DHX30: variants seen among roughly 807,000 people sequenced by gnomAD.
DHX30 encodes the protein DExH-box helicase 30, also known as ATP-dependent RNA helicase DHX30.
A neutral mutation model predicts 116.9 loss-of-function variants in DHX30; 4 were observed. That is an observed-to-expected ratio of 0.03 (90% CI 0.02 to 0.08). The LOEUF (loss-of-function observed/expected upper bound fraction) is 0.08, where lower values mean the gene tolerates loss of function less well. DHX30 is among the 10% of genes least tolerant of loss of function. The pLI, the probability that DHX30 is intolerant of heterozygous loss-of-function variation, is 1.00. For missense variants in DHX30, 871 were observed against 1,595.1 expected, an observed-to-expected ratio of 0.55 and a Z score of 7.73; for synonymous variants, 697 against 651.7, an observed-to-expected ratio of 1.07 and a Z score of -1.06.
intron 6 of DHX30, among the ~76,000 whole-genome samples, chr3:47,839,347 T>C (rs372642786): frequency 6.0e-4 from 88 of 145,642 alleles, no homozygotes; most frequent in African/African-American, 2.2e-3. Context: ...CAGGCTGGAG[T>C]GCAATGGTGC....
At position 47,850,089 on chromosome 3, in the gene DHX30, G is replaced by A. The variant is rs2038077482; in HGVS notation, c.3554G>A (p.Ser1185Asn). Residue 1185 changes from serine (S) to asparagine (N), a missense_variant, in exon 22 of 22, where the codon AGC becomes AAC. Ser to Asn is a conservative substitution (Grantham distance 46, BLOSUM62 1). Coordinates refer to ENST00000445061, the MANE Select transcript of DHX30 (RefSeq NM_138615.3). ...LAELLRGPCGSFDVRKTADD is the reference protein window; with the variant it reads ...LAELLRGPCGNFDVRKTADD ...GAGCTGCTGCGAGGACCCTGTGGCA[G>A]CTTTGATGTGCGCAAGACAGCTGAC... is the stretch of plus-strand genomic sequence containing the variant. 3 of 1,595,624 alleles carry A rather than the reference G, an allele frequency of 1.9e-6. No individual in the cohort carries two copies. Among genetic ancestry groups the A allele is most frequent in the South Asian group, 1.1e-5 (1 of 89,118 alleles).
rs973971521 is a variant in DHX30, at chr3:47,814,645, C to T, written c.29-3377C>T. Among the ~76,000 whole-genome samples, 3 of 151,502 alleles carry T rather than the reference C, an allele frequency of 2.0e-5. 1 individual carries two copies. The highest frequency in any genetic ancestry group is 4.2e-4 in the South Asian group (2 of 4,806). On this transcript the variant is annotated intron_variant, in intron 3 of 21. Coordinates refer to ENST00000445061, the MANE Select transcript of DHX30 (RefSeq NM_138615.3). ...ATGCCATTTTTCTGCCTCAGCCTCC[C>T]GAGTAGCTGGGACTACAGGCGCCAG...
At chr3:47,830,127 G>A (rs1348681309) in intron 6 of DHX30, among the ~76,000 whole-genome samples, 2 of 150,054 alleles carry the variant, frequency 1.3e-5, no homozygotes, top group African/African-American at 4.9e-5. Flanking sequence ...ACCATGCCTG[G>A]CCAACTTTTT....
At chr3:47,815,920 A>C (rs2036031949) in intron 3 of DHX30, 7 of 983,980 alleles carry the variant, frequency 7.1e-6, no homozygotes, top group Non-Finnish European at 8.4e-6. Context: ...GATAATAACT[A>C]ATCATTGAAT....
chr3:47,841,732 G>T lies in DHX30; in HGVS notation c.784G>T (p.Ala262Ser). 6.2e-7 allele frequency: 1 copy of T among 1,614,216 alleles called. No homozygotes were observed. Among genetic ancestry groups the T allele is most frequent in the Non-Finnish European group, 8.5e-7 (1 of 1,180,020 alleles). ...VIQIATSSST[A>S]KNLMQFHTVG... ...TCAGATTGCAACGTCATCCTCCACAGCTAAGGTGAGTTGGGTCTCCTAGAA... is the reference window on the plus strand; with the variant it reads ...TCAGATTGCAACGTCATCCTCCACATCTAAGGTGAGTTGGGTCTCCTAGAA... Residue 262 changes from alanine to serine, a missense_variant, in exon 8 of 22, where the codon GCT (alanine) becomes TCT (serine). By Grantham distance (99) the Ala-to-Ser change is moderately conservative. Coordinates refer to ENST00000445061, the MANE Select transcript of DHX30 (RefSeq NM_138615.3).
In DHX30 at chr3:47,841,668, C is replaced by T. The variant is rs769372215; in HGVS notation, c.720C>T (p.Thr240=). The T allele has an allele frequency of 1.9e-6, 3 of 1,614,128 alleles. No individual in the cohort carries two copies. Among genetic ancestry groups the T allele is most frequent in the African/African-American group, 2.7e-5 (2 of 74,930 alleles). The change falls in exon 8 of 22, where the codon ACC becomes ACT. Residue 240 remains threonine (T), a synonymous_variant. Transcript: ENST00000445061. ...TDDDSAIRAL[T]QFPLPKNLLA... is the part of the protein sequence containing the mutation. ...ACGACAGTGCCATTAGGGCTCTGAC[C>T]CAGTTTCCACTTCCCAAGAACCTTC...
rs1328743827 is a variant in DHX30, at chr3:47,827,354, G to T, written c.132G>T (p.Arg44Ser). ...TTGTTCTTATTTTCTTAGCTTCTAGGGACCTATTAAAAGAGTTCCCACAGC... is the reference window on the plus strand; with the variant it reads ...TTGTTCTTATTTTCTTAGCTTCTAGTGACCTATTAAAAGAGTTCCCACAGC... Reference protein sequence around the residue: ...TPGGTISRASRDLLKEFPQPK... With the variant: ...TPGGTISRASSDLLKEFPQPK... Residue 44 changes from arginine (R) to serine (S), a missense_variant, in exon 5 of 22, where the codon AGG becomes AGT. Arg to Ser is a moderately radical substitution (Grantham distance 110, BLOSUM62 -1). Around this residue, in one of 13 missense-constraint regions of DHX30, gnomAD observed 66 missense variants for 153.9 expected, o/e 0.43. Transcript: ENST00000445061. The T allele has an allele frequency of 6.2e-7, 1 of 1,606,938 alleles. No individual in the cohort carries two copies. Among genetic ancestry groups the T allele is most frequent in the Non-Finnish European group, 8.5e-7 (1 of 1,178,272 alleles).
At chr3:47,818,817 C>T (rs1447244756) in intron 4 of DHX30, among the ~76,000 whole-genome samples, 1 of 152,176 alleles carries the variant, frequency 6.6e-6, no homozygotes, top group Non-Finnish European at 1.5e-5. Flanking sequence ...GGCCAGTGCT[C>T]CTGGAAGCCT....
intron 6 of DHX30, among the ~76,000 whole-genome samples, chr3:47,838,962 C>G (rs555431288): frequency 6.6e-6 from 1 of 152,172 alleles, no homozygotes; most frequent in East Asian, 1.9e-4. Flanking sequence ...CAGCCTCGAT[C>G]TGTAGGCCTC....
At chr3:47,811,492 G>C (rs536874784) in intron 3 of DHX30, among the ~76,000 whole-genome samples, 1 of 152,258 alleles carries the variant, frequency 6.6e-6, no homozygotes, top group East Asian at 1.9e-4. Flanking sequence ...CACATAGTAG[G>C]CCTCAGTAAA....
rs772855790 is a variant in DHX30, at chr3:47,849,259, C to T, written c.2997C>T (p.Thr999=). ...AFLVGKPSDC[T]LASAQCNEYS... Reference sequence around the variant, plus strand: ...TGGTGGGGAAGCCCTCGGACTGCACCCTGGCCTCCGCCCAGTGCAACGAGT... The same window carrying T: ...TGGTGGGGAAGCCCTCGGACTGCACTCTGGCCTCCGCCCAGTGCAACGAGT... The change falls in exon 19 of 22, where the codon ACC becomes ACT. Residue 999 remains threonine, a synonymous_variant. Coordinates refer to ENST00000445061, the MANE Select transcript of DHX30 (RefSeq NM_138615.3). The T allele has an allele frequency of 9.3e-6, 15 of 1,614,148 alleles. No homozygotes were observed. The Admixed American group carries it at 2.5e-4, about 27-fold the overall frequency.
At chr3:47,838,269 A>G (rs892230299) in intron 6 of DHX30, among the ~76,000 whole-genome samples, 3 of 152,174 alleles carry the variant, frequency 2.0e-5, no homozygotes, top group Non-Finnish European at 4.4e-5. Context: ...TAATAGACAG[A>G]CTTTAGAATT....
In DHX30 at chr3:47,829,139, CCCTT is replaced by C; in HGVS notation, c.366+9_366+12del. On this transcript the variant is annotated splice_donor_region_variant and intron_variant, in intron 6 of 21. Coordinates refer to ENST00000445061, the MANE Select transcript of DHX30 (RefSeq NM_138615.3). ...GCAGCCTGCCAGCTGTTCAAGGTGA[CCCTT>C]CCTCAGTGAAAGCCACTGAGACCTT... 6.6e-7 allele frequency: 1 copy of C among 1,526,386 alleles called. No individual in the cohort carries two copies. The highest frequency in any genetic ancestry group is 8.9e-7 in the Non-Finnish European group (1 of 1,127,264). 94.6% of individuals were successfully genotyped at this position (1,526,386 alleles called of 1,614,324 possible). A position where few individuals can be genotyped will look rare whatever the true frequency, so the allele number is the denominator to read the frequency against.
rs375387962 is a variant in DHX30, at chr3:47,847,548, G to A, written c.2110+12G>A. On this transcript the variant is annotated intron_variant, in intron 13 of 21. Coordinates refer to ENST00000445061, the MANE Select transcript of DHX30 (RefSeq NM_138615.3). The surrounding 1 kb of genome is among the most constrained non-coding windows in gnomAD (Gnocchi z 5.5). Reference sequence around the variant, plus strand: ...CCTCATCCTGCCAGGTGAGAGCCCCGGCGGAGGGACCAGGGACCTTTGGAA... The same window carrying A: ...CCTCATCCTGCCAGGTGAGAGCCCCAGCGGAGGGACCAGGGACCTTTGGAA... The A allele has an allele frequency of 5.7e-6, 9 of 1,585,560 alleles. No homozygotes were observed. Among genetic ancestry groups the A allele is most frequent in the African/African-American group, 1.3e-5 (1 of 74,298 alleles).
In DHX30 at chr3:47,847,189, C is replaced by T. The variant is rs1421312941; in HGVS notation, c.1930-84C>T. ...GATTGGAGTTGATGTCAAGCGGCTC[C>T]GTCTCACTGAGTCAGGTGGCTGTGT... On this transcript the variant is annotated intron_variant, in intron 11 of 21. Coordinates refer to ENST00000445061, the MANE Select transcript of DHX30 (RefSeq NM_138615.3). The surrounding 1 kb of genome is among the most constrained non-coding windows in gnomAD (Gnocchi z 5.5). The T allele has an allele frequency of 4.5e-6, 7 of 1,567,086 alleles. No homozygotes were observed. Among genetic ancestry groups the T allele is most frequent in the South Asian group, 1.1e-5 (1 of 89,524 alleles).
intron 10 of DHX30, 132 bp downstream of exon 10, chr3:47,845,984 C>T: frequency 6.9e-7 from 1 of 1,452,852 alleles, no homozygotes; most frequent in Non-Finnish European, 9.2e-7. Flanking sequence ...GCCTGGGATC[C>T]CCCTGGCCTG....
chr3:47,817,193 CAA>C (rs1456284741), intron 3 of DHX30, among the ~76,000 whole-genome samples: 1 of 152,148 alleles, frequency 6.6e-6, no homozygotes, highest in Non-Finnish European at 1.5e-5. Flanking sequence ...GCAAAGAGAG[CAA>C]AGAGTGCATG....
chr3:47,840,879 T>C lies in DHX30; in HGVS notation c.369T>C (p.Gly123=), dbSNP rs766986833. 3.7e-6 allele frequency: 6 copies of C among 1,614,138 alleles called. No individual in the cohort carries two copies. The highest frequency in any genetic ancestry group is 5.1e-6 in the Non-Finnish European group (6 of 1,180,030). Residue 123 remains glycine, a splice_region_variant and synonymous_variant, in exon 7 of 22, where the codon GGT becomes GGC. Transcript: ENST00000445061. ...AAAACGTCCCTTTTCCCCTCCAGGG[T>C]TGGGGTCTGCTAGGTCCCCGGAATG... ...AAAAACQLFK[G]WGLLGPRNEL...
chr3:47,805,140 A>G (rs970489939), intron 1 of DHX30, among the ~76,000 whole-genome samples, 186 bp from the exon 2 acceptor site: 1 of 152,194 alleles, frequency 6.6e-6, no homozygotes, highest in Non-Finnish European at 1.5e-5. Context: ...GGTGTAGGAC[A>G]GCTTACAATT....
Sources: allele counts gnomAD v4.1 joint callset (sites outside exome capture counted in the v4.1 genomes callset), GRCh38; gene constraint gnomAD v4.1.1; regional missense constraint gnomAD v4.1.1; non-coding constraint Gnocchi (gnomAD v3.1); transcripts MANE v1.5; gene names NCBI Gene and HGNC (gene_info 2026-07-23, HGNC 2026-07-21).